NFS1: variants seen among roughly 807,000 people sequenced by gnomAD.
The protein encoded by NFS1 is cysteine desulfurase.
Under a neutral mutation model 57.3 loss-of-function variants are expected in NFS1, and 26 were observed. That is an observed-to-expected ratio of 0.45 (90% CI 0.33 to 0.63). NFS1 has a LOEUF of 0.63. Among genes scored for constraint, NFS1 ranks in the 20% least tolerant of loss-of-function variants. The pLI is 0.02. For synonymous variants in NFS1, 209 were observed against 216.3 expected (o/e 0.97, Z 0.30); for missense variants, 505 against 605.8 (o/e 0.83, Z 1.75).
rs750419981 is a variant in NFS1 at position 35,698,595 on chromosome 20, T to TA, written c.98-6dup. 11 of 1,592,666 alleles carry TA rather than the reference T, an allele frequency of 6.9e-6. No individual in the cohort carries two copies. Among genetic ancestry groups the TA allele is most frequent in the African/African-American group, 1.4e-5 (1 of 73,314 alleles). Reference sequence around the variant, plus strand: ...ACTGAGGAGCACGGTCTCCAACTGATAAAAAATGGAACGGAGTAGCCAAGT... The same window carrying TA: ...ACTGAGGAGCACGGTCTCCAACTGATAAAAAAATGGAACGGAGTAGCCAAGT... On this transcript the variant is annotated splice_polypyrimidine_tract_variant and splice_region_variant and intron_variant, in intron 1 of 12. Transcript: ENST00000374092.
intron 5 of NFS1, among the ~76,000 whole-genome samples, chr20:35,686,938 C>T (rs1429421109): frequency 1.3e-5 from 2 of 152,122 alleles, no homozygotes; most frequent in Non-Finnish European, 2.9e-5. Context: ...AAAAACCAGG[C>T]CATACAGAGA....
chr20:35,688,750 AGGAAAAGAGGGAGGGAG>A (rs143958749), intron 5 of NFS1, among the ~76,000 whole-genome samples: 15,157 of 147,890 alleles, frequency 0.1, 807 homozygotes, highest in South Asian at 0.15. Context: ...AGAGGGAGGG[AGGAAAAGAGGGAGGGAG>A]GGAAAAGAGG....
intron 7 of NFS1, among the ~76,000 whole-genome samples, chr20:35,677,489 T>C (rs1324281097): frequency 1.3e-5 from 2 of 152,040 alleles, no homozygotes; most frequent in Non-Finnish European, 2.9e-5. Flanking sequence ...TGAGCTATGA[T>C]CGTGCCACTC....
At position 35,685,247 on chromosome 20, in the gene NFS1, C is replaced by T. The variant is rs1348357295; in HGVS notation, c.562-3266G>A. 5.9e-5 allele frequency among the ~76,000 whole-genome samples: 9 copies of T among 151,734 alleles called. 1 individual carries two copies. The highest frequency in any genetic ancestry group is 1.2e-4 in the African/African-American group (5 of 41,054). On this transcript the variant is annotated intron_variant, in intron 5 of 12. Coordinates refer to ENST00000374092, the MANE Select transcript of NFS1 (RefSeq NM_021100.5). Reference sequence around the variant, plus strand: ...AAAATTAGCTGGGCATCATAGCCTGCGCCTATAGTTCCAGCTACTCAGGAA... The same window carrying T: ...AAAATTAGCTGGGCATCATAGCCTGTGCCTATAGTTCCAGCTACTCAGGAA...
intron 5 of NFS1, among the ~76,000 whole-genome samples, chr20:35,682,183 TCA>T (rs1279548731): frequency 6.6e-6 from 1 of 152,210 alleles, no homozygotes; most frequent in African/African-American, 2.4e-5. Context: ...AATGTAAATA[TCA>T]CAGCCACTTT....
chr20:35,696,234 A>C lies in NFS1; in HGVS notation c.408+143T>G, dbSNP rs946949313. The C allele has an allele frequency of 5.9e-6, 4 of 681,804 alleles. No homozygotes were observed. In the Admixed American group the frequency reaches 9.0e-5, roughly 15 times the overall value. The allele number at this position is 681,804 out of a possible 1,614,324, so 42.2% of individuals were successfully genotyped here. On this transcript the variant is annotated intron_variant, in intron 4 of 12. Coordinates refer to ENST00000374092, the MANE Select transcript of NFS1 (RefSeq NM_021100.5). ...ACTGCAAAGGGTTAAAGGAAGCAACAAATCAGAAAGACTGCAAGCCTTCTC... is the reference window on the plus strand; with the variant it reads ...ACTGCAAAGGGTTAAAGGAAGCAACCAATCAGAAAGACTGCAAGCCTTCTC...
intron 7 of NFS1, chr20:35,675,480 T>A (rs903483877): frequency 9.0e-6 from 4 of 443,138 alleles, no homozygotes; most frequent in Middle Eastern, 6.1e-4. Context: ...TACAGTATTA[T>A]TCATAATAGC....
In NFS1 at chr20:35,695,263, C is replaced by T. The variant is rs530575550; in HGVS notation, c.408+1114G>A. Among the ~76,000 whole-genome samples the T allele has an allele frequency of 8.6e-4, 131 of 152,314 alleles. 1 individual carries two copies. Among genetic ancestry groups the T allele is most frequent in the Non-Finnish European group, 1.7e-3 (117 of 68,026 alleles). On this transcript the variant is annotated intron_variant, in intron 4 of 12. Coordinates refer to ENST00000374092, the MANE Select transcript of NFS1 (RefSeq NM_021100.5). ...CCAAGGAAGGATGCCTTCCTGTTAA[C>T]ATGATCAGGCAGAGTGCTGATGACC...
At position 35,675,073 on chromosome 20, in the gene NFS1, G is replaced by A. The variant is rs2034718248; in HGVS notation, c.920C>T (p.Ala307Val). The A allele has an allele frequency of 2.5e-6, 4 of 1,613,952 alleles. No homozygotes were observed. The highest frequency in any genetic ancestry group is 4.5e-5 in the East Asian group (2 of 44,868). ...CATCTCTTGCTGTGCCACCTCACAC[G>A]CAGCCCCCAGCCCCACCACTAAGGG... ...PTPLVVGLGAACEVAQQEMEY... is the reference protein window; with the variant it reads ...PTPLVVGLGAVCEVAQQEMEY... Residue 307 changes from alanine (A) to valine (V), a missense_variant, in exon 8 of 13, where the codon GCG becomes GTG. By Grantham distance (64) the Ala-to-Val change is moderately conservative (BLOSUM62 0). Coordinates refer to ENST00000374092, the MANE Select transcript of NFS1 (RefSeq NM_021100.5).
intron 12 of NFS1, among the ~76,000 whole-genome samples, chr20:35,669,892 C>T (rs1461517121): frequency 6.6e-6 from 1 of 152,182 alleles, no homozygotes; most frequent in East Asian, 1.9e-4. Flanking sequence ...AGAGCTCTCC[C>T]CAACTGCTAA....
Position 35,669,431 on chromosome 20 carries a change from C to T in NFS1, c.*191G>A, listed in dbSNP as rs2034616863. ...AAGACCCGAGAAGAAATGGGGAGTG[C>T]TCCACACCCAAGGAACTGAAGCTAG... On this transcript the variant is annotated 3_prime_UTR_variant, in exon 13 of 13. Coordinates refer to ENST00000374092, the MANE Select transcript of NFS1 (RefSeq NM_021100.5). 3.4e-6 allele frequency: 2 copies of T among 582,358 alleles called. No individual in the cohort carries two copies. Among genetic ancestry groups the T allele is most frequent in the South Asian group, 2.2e-5 (1 of 45,140 alleles). The allele number at this position is 582,358 out of a possible 1,614,324, so 36.1% of individuals were successfully genotyped here.
chr20:35,671,019 G>T (rs2034644138), intron 12 of NFS1, among the ~76,000 whole-genome samples: 1 of 152,182 alleles, frequency 6.6e-6, no homozygotes. Context: ...AGGCCTCAAG[G>T]TTCCAGGAGG....
At chr20:35,682,903 C>A (rs2034873322) in intron 5 of NFS1, 1 of 164,758 alleles carries the variant, frequency 6.1e-6, no homozygotes, top group African/African-American at 2.4e-5. Flanking sequence ...ACAGTGAAAC[C>A]CTGTCTCTAC....
At chr20:35,687,840 G>A (rs1056669364) in intron 5 of NFS1, among the ~76,000 whole-genome samples, 1 of 152,200 alleles carries the variant, frequency 6.6e-6, no homozygotes, top group Non-Finnish European at 1.5e-5. Flanking sequence ...GCTCACATCT[G>A]TAATCCCAGT....
chr20:35,687,709 C>T (rs1015770333), intron 5 of NFS1, among the ~76,000 whole-genome samples: 10 of 152,138 alleles, frequency 6.6e-5, no homozygotes, highest in African/African-American at 9.7e-5. Context: ...GAAAACCCAC[C>T]GACCCTGTGG....
intron 7 of NFS1, among the ~76,000 whole-genome samples, chr20:35,677,478 G>C (rs1398213616): frequency 6.6e-5 from 10 of 152,110 alleles, no homozygotes; most frequent in Non-Finnish European, 1.2e-4. Flanking sequence ...CGAGGCTGCA[G>C]TGAGCTATGA....
At chr20:35,693,057 G>A (rs1174266142) in intron 4 of NFS1, among the ~76,000 whole-genome samples, 1 of 151,940 alleles carries the variant, frequency 6.6e-6, no homozygotes, top group Non-Finnish European at 1.5e-5. Flanking sequence ...TCAGGGACTG[G>A]GGTCCTTGGG....
chr20:35,676,538 A>G (rs2034747953), intron 7 of NFS1, among the ~76,000 whole-genome samples: 1 of 151,826 alleles, frequency 6.6e-6, no homozygotes, highest in South Asian at 2.1e-4. Flanking sequence ...GTGAGCCAAG[A>G]TTGTGCCACT....
intron 7 of NFS1, among the ~76,000 whole-genome samples, chr20:35,679,804 A>C (rs761174370): frequency 1.3e-5 from 2 of 152,124 alleles, no homozygotes; most frequent in Non-Finnish European, 2.9e-5. Context: ...ATCAACCCAA[A>C]AAAGGCCCTC....
Sources: gnomAD v4.1 joint callset for allele counts (sites outside exome capture counted in the v4.1 genomes callset) on GRCh38, gnomAD v4.1.1 for gene constraint, MANE v1.5 for transcripts, NCBI Gene and HGNC (gene_info 2026-07-23, HGNC 2026-07-21) for gene names.